FBLN7: variants seen among roughly 807,000 people sequenced by gnomAD.
FBLN7 encodes the protein fibulin 7.
In FBLN7, 31 loss-of-function variants were observed where a neutral mutation model predicts 44.0. That is an observed-to-expected ratio of 0.70 (90% CI 0.53 to 0.95). The LOEUF is 0.95. Among genes scored for constraint, FBLN7 ranks in the 40% least tolerant of loss-of-function variants. The probability of loss-of-function intolerance (pLI) is 0.00; values close to 1 mark genes in which losing one functional copy is unlikely to be tolerated. For synonymous variants in FBLN7, 262 were observed against 253.4 expected (o/e 1.03, Z -0.32); for missense variants, 573 against 618.5 (o/e 0.93, Z 0.78).
At chr2:112,240,984 T>TGCGC in the FBLN7 span, among the ~76,000 whole-genome samples, 3 of 132,332 alleles carry the variant, frequency 2.3e-5, no homozygotes, top group African/African-American at 8.9e-5. Flanking sequence ...TGTGTGTGTG[T>TGCGC]GCGCGTGTGT....
chr2:112,240,912 T>A, the FBLN7 span, among the ~76,000 whole-genome samples: 1 of 151,818 alleles, frequency 6.6e-6, no homozygotes, highest in Non-Finnish European at 1.5e-5. Flanking sequence ...ACTGAACTAG[T>A]ATGGCCTCCA....
chr2:112,153,435 G>A (rs939215802), intron 1 of FBLN7, among the ~76,000 whole-genome samples: 4 of 152,162 alleles, frequency 2.6e-5, no homozygotes, highest in Admixed American at 2.6e-4. Flanking sequence ...TGTCACCAAA[G>A]AGGCTCTCAA....
chr2:112,185,573 A>G (rs1284725568), intron 7 of FBLN7, among the ~76,000 whole-genome samples: 1 of 151,916 alleles, frequency 6.6e-6, no homozygotes, highest in Non-Finnish European at 1.5e-5. Flanking sequence ...TACTAAGTGC[A>G]CCCCCACTAC....
rs748077483 is a variant in FBLN7, at chr2:112,159,844, C to T, written c.235+9C>T. The T allele has an allele frequency of 1.1e-5, 17 of 1,523,470 alleles. 1 individual carries two copies. The South Asian group carries it at 1.9e-4, about 17-fold the overall frequency. 94.4% of individuals were successfully genotyped at this position (1,523,470 alleles called of 1,614,324 possible). A position where few individuals can be genotyped will look rare whatever the true frequency, so the allele number is the denominator to read the frequency against. On this transcript the variant is annotated intron_variant, in intron 2 of 7. Transcript: ENST00000331203. ...CCCAGATGCCCTTCCAGGTGGGTCC[C>T]CACGTCGGCACCGCTGGGGCGGCAG...
At chr2:112,226,016 A>G in the FBLN7 span, among the ~76,000 whole-genome samples, 2 of 152,014 alleles carry the variant, frequency 1.3e-5, no homozygotes, top group African/African-American at 4.8e-5. Flanking sequence ...CAAGAGGTAG[A>G]GGTTGCAGTG....
intron 4 of FBLN7, among the ~76,000 whole-genome samples, chr2:112,181,331 T>TA (rs1353308735): frequency 2.0e-5 from 3 of 151,714 alleles, no homozygotes; most frequent in Non-Finnish European, 4.4e-5. Flanking sequence ...AACCTAAAAT[T>TA]AAAAATAATA....
intron 3 of FBLN7, among the ~76,000 whole-genome samples, chr2:112,174,092 G>A (rs919147367): frequency 1.2e-4 from 19 of 152,264 alleles, no homozygotes; most frequent in Non-Finnish European, 2.1e-4. Flanking sequence ...AGATACTGGT[G>A]TTCACATTTT....
At chr2:112,230,811 T>C in the FBLN7 span, 17 of 777,452 alleles carry the variant, frequency 2.2e-5, no homozygotes, top group African/African-American at 3.0e-4. Context: ...AGAAGAAAAA[T>C]ACTTCTATTT....
intron 1 of FBLN7, 146 bp downstream of exon 1, chr2:112,138,876 T>C: frequency 8.1e-7 from 1 of 1,227,638 alleles, no homozygotes; most frequent in Non-Finnish European, 1.0e-6. Context: ...CTCCCGCCTC[T>C]CTCCAGGTCA....
At chr2:112,204,455 C>T in the FBLN7 span, among the ~76,000 whole-genome samples, 3 of 151,828 alleles carry the variant, frequency 2.0e-5, no homozygotes, top group East Asian at 1.9e-4. Context: ...TATGCACATC[C>T]GAGAAGCTAA....
chr2:112,236,826 T>A, the FBLN7 span: 1 of 846,098 alleles, frequency 1.2e-6, no homozygotes, highest in Non-Finnish European at 1.8e-6. Flanking sequence ...GCAGGAGGAC[T>A]GCTCAAAGCT....
chr2:112,143,583 T>C (rs1680755786), intron 1 of FBLN7, among the ~76,000 whole-genome samples: 1 of 152,194 alleles, frequency 6.6e-6, no homozygotes, highest in Non-Finnish European at 1.5e-5. Context: ...CTATATTCTA[T>C]GTGTGGCAAC....
At chr2:112,194,489 G>C in the FBLN7 span, among the ~76,000 whole-genome samples, 1 of 152,028 alleles carries the variant, frequency 6.6e-6, no homozygotes, top group Non-Finnish European at 1.5e-5. Flanking sequence ...ACAGTGGCTC[G>C]TGTTACTAGC....
the FBLN7 span, among the ~76,000 whole-genome samples, chr2:112,198,371 T>C: frequency 4.0e-4 from 61 of 152,274 alleles, no homozygotes; most frequent in Non-Finnish European, 6.8e-4. Flanking sequence ...GTGCGGTGGC[T>C]CATGCCTATA....
chr2:112,165,389 G>A (rs1395997794), intron 3 of FBLN7, among the ~76,000 whole-genome samples: 4 of 152,164 alleles, frequency 2.6e-5, no homozygotes, highest in Admixed American at 2.6e-4. Context: ...CAATAATTTA[G>A]TCTTGTTTTG....
At chr2:112,170,772 G>A (rs1199229855) in intron 3 of FBLN7, among the ~76,000 whole-genome samples, 1 of 152,262 alleles carries the variant, frequency 6.6e-6, no homozygotes, top group African/African-American at 2.4e-5. Flanking sequence ...TAAGACAAGT[G>A]TCGCTGCTGC....
At position 112,160,728 on chromosome 2, in the gene FBLN7, GCACGCA is replaced by G. The variant is rs1279704793; in HGVS notation, c.235+903_235+908del. Among the ~76,000 whole-genome samples, 23 of 114,606 alleles carry G rather than the reference GCACGCA, an allele frequency of 2.0e-4. No individual in the cohort carries two copies. In the East Asian group the frequency reaches 4.1e-3, roughly 20 times the overall value. The allele number at this position is 114,606 out of a possible 152,430, so 75.2% of individuals were successfully genotyped here. ...CGCACACACACAAGCACGCGCACAC[GCACGCA>G]CACGCACACACGCGCACGCACACAC... is the stretch of plus-strand genomic sequence containing the variant. On this transcript the variant is annotated intron_variant, in intron 2 of 7. Transcript: ENST00000331203.
the FBLN7 span, among the ~76,000 whole-genome samples, chr2:112,208,840 G>A: frequency 6.6e-6 from 1 of 152,068 alleles, no homozygotes; most frequent in Non-Finnish European, 1.5e-5. Context: ...GACATTTGGG[G>A]ATCAGTTCAT....
chr2:112,229,149 A>C, the FBLN7 span, among the ~76,000 whole-genome samples: 1 of 152,176 alleles, frequency 6.6e-6, no homozygotes, highest in Admixed American at 6.6e-5. Flanking sequence ...ACTTGATGGA[A>C]ACTTGACATA....
Sources: gnomAD v4.1 joint callset for allele counts (sites outside exome capture counted in the v4.1 genomes callset) on GRCh38, gnomAD v4.1.1 for gene constraint, MANE v1.5 for transcripts, NCBI Gene and HGNC (gene_info 2026-07-23, HGNC 2026-07-21) for gene names.